Variants in DAB1 observed in about 807,000 individuals in gnomAD.
DAB1 encodes the protein disabled homolog 1.
In DAB1, 15 loss-of-function variants were observed where a neutral mutation model predicts 64.6. The observed-to-expected ratio is 0.23, with a 90% CI of 0.16 to 0.36. The LOEUF (loss-of-function observed/expected upper bound fraction) is 0.36, where lower values mean the gene tolerates loss of function less well. DAB1 is among the 10% of genes least tolerant of loss of function. The pLI, the probability that DAB1 is intolerant of heterozygous loss-of-function variation, is 1.00. For synonymous variants in DAB1, 235 were observed against 251.9 expected, an observed-to-expected ratio of 0.93 and a Z score of 0.64; for missense variants, 596 against 706.7, an observed-to-expected ratio of 0.84 and a Z score of 1.78.
chr1:58,284,186 T>C (rs781687741), intron 4 of DAB1, among the ~76,000 whole-genome samples: 1 of 152,188 alleles, frequency 6.6e-6, no homozygotes, highest in South Asian at 2.1e-4. Flanking sequence ...TCCATCCATA[T>C]GGGAACTTGG....
intron 7 of DAB1, among the ~76,000 whole-genome samples, chr1:57,437,436 C>T (rs768657633): frequency 3.9e-5 from 6 of 152,226 alleles, no homozygotes; most frequent in Non-Finnish European, 7.3e-5. Context: ...AATGTAATTG[C>T]TCATTGAATT....
chr1:58,125,341 T>C (rs1264488753), intron 5 of DAB1, among the ~76,000 whole-genome samples: 4 of 152,204 alleles, frequency 2.6e-5, no homozygotes, highest in Non-Finnish European at 5.9e-5. Context: ...TTAGTTAATA[T>C]AAGTTCCTTT....
intron 2 of DAB1, among the ~76,000 whole-genome samples, chr1:57,252,316 G>T (rs927654905): frequency 2.0e-5 from 3 of 152,178 alleles, no homozygotes; most frequent in Admixed American, 1.3e-4. Context: ...TCTAAGTCCT[G>T]CATTAGCAAC....
At chr1:58,021,688 A>G (rs900677104) in intron 5 of DAB1, among the ~76,000 whole-genome samples, 5 of 152,328 alleles carry the variant, frequency 3.3e-5, no homozygotes, top group Admixed American at 2.6e-4. Flanking sequence ...GGCAGCTTGC[A>G]TTGTCAGAGC....
intron 7 of DAB1, among the ~76,000 whole-genome samples, chr1:57,439,101 G>T (rs557408611): frequency 2.6e-5 from 4 of 152,280 alleles, no homozygotes; most frequent in African/African-American, 7.2e-5. Flanking sequence ...GAGTCTCAGT[G>T]CTTCTGCAGA....
intron 5 of DAB1, among the ~76,000 whole-genome samples, chr1:58,081,691 C>T (rs1279067156): frequency 2.6e-5 from 4 of 152,190 alleles, no homozygotes; most frequent in Admixed American, 2.0e-4. Context: ...CAGTTGCCCA[C>T]CTGGGCTACT....
intron 4 of DAB1, among the ~76,000 whole-genome samples, chr1:58,160,116 A>G (rs1655446112): frequency 6.6e-6 from 1 of 152,082 alleles, no homozygotes. Flanking sequence ...TAGGAACAAG[A>G]GGGTCTGTGG....
At chr1:58,458,162 T>C (rs12085573) in intron 3 of DAB1, among the ~76,000 whole-genome samples, 2,727 of 152,318 alleles carry the variant, frequency 0.018, 88 homozygotes, top group African/African-American at 0.061. Flanking sequence ...TTACATATAA[T>C]TAAAAATTCA....
rs944348895 is a variant in DAB1, at chr1:57,599,493, C to T, written n.625+50099G>A. 6.6e-5 allele frequency among the ~76,000 whole-genome samples: 10 copies of T among 151,228 alleles called. 1 individual carries two copies. In the South Asian group the frequency reaches 1.3e-3, roughly 20 times the overall value. On this transcript the variant is annotated intron_variant and non_coding_transcript_variant, in intron 7 of 20. Coordinates refer to the DAB1 transcript ENST00000485760. ...GCTTGGAATTCCACAGCTCTCCCCA[C>T]GTGGGACCAAATCGACTCTGTCACT...
At chr1:57,074,763 T>TA (rs948523877) in intron 4 of DAB1, among the ~76,000 whole-genome samples, 3 of 152,174 alleles carry the variant, frequency 2.0e-5, no homozygotes, top group Non-Finnish European at 4.4e-5. Flanking sequence ...CCAGTGGCAA[T>TA]AAAACGAATG....
At chr1:57,884,683 G>T (rs1163870021), upstream of DAB1, among the ~76,000 whole-genome samples, 1 of 152,114 alleles carries the variant, frequency 6.6e-6, no homozygotes, top group Non-Finnish European at 1.5e-5. Context: ...TATCCTCATT[G>T]CTATAGTTCG....
At chr1:57,575,280 T>C (rs1458279646) in intron 7 of DAB1, among the ~76,000 whole-genome samples, 3 of 152,228 alleles carry the variant, frequency 2.0e-5, no homozygotes, top group South Asian at 2.1e-4. Flanking sequence ...AACATAAATG[T>C]TGAATAGTGT....
At chr1:57,571,856 G>T (rs111917880) in intron 7 of DAB1, among the ~76,000 whole-genome samples, 4 of 152,300 alleles carry the variant, frequency 2.6e-5, no homozygotes, top group Admixed American at 2.6e-4. Context: ...GTGGGGAAAG[G>T]CTCCTTCACT....
At chr1:58,438,840 C>A (rs1353594652) in intron 3 of DAB1, among the ~76,000 whole-genome samples, 1 of 152,216 alleles carries the variant, frequency 6.6e-6, no homozygotes, top group Non-Finnish European at 1.5e-5. Flanking sequence ...TCTTCCTGTT[C>A]TTTCTCCTGC....
chr1:57,523,679 C>T (rs528359146), intron 7 of DAB1, among the ~76,000 whole-genome samples: 35 of 152,130 alleles, frequency 2.3e-4, no homozygotes, highest in Middle Eastern at 3.4e-3. Context: ...CCCAGCACTT[C>T]GGGAGGCCAA....
At chr1:57,068,985 A>C (rs17114926) in intron 8 of DAB1, among the ~76,000 whole-genome samples, 3,117 of 152,250 alleles carry the variant, frequency 0.02, 122 homozygotes, top group African/African-American at 0.072. Flanking sequence ...TTTGTGCTTT[A>C]TTTTCAGTAG....
chr1:58,088,823 A>G (rs1205695744), intron 5 of DAB1, among the ~76,000 whole-genome samples: 1 of 152,212 alleles, frequency 6.6e-6, no homozygotes, highest in Non-Finnish European at 1.5e-5. Flanking sequence ...CATCAAGGCT[A>G]CAACACCATG....
intron 5 of DAB1, among the ~76,000 whole-genome samples, chr1:57,918,157 A>T (rs1644756719): frequency 1.3e-5 from 2 of 151,994 alleles, no homozygotes; most frequent in South Asian, 4.1e-4. Context: ...CTATGTAAAA[A>T]TATCTCAATA....
At chr1:58,375,570 G>A (rs1007958806) in intron 3 of DAB1, among the ~76,000 whole-genome samples, 12 of 149,254 alleles carry the variant, frequency 8.0e-5, no homozygotes, top group Non-Finnish European at 7.5e-5. Flanking sequence ...ATGTGCTGCT[G>A]GATTCAGTTT....
Sources: allele counts gnomAD v4.1 joint callset (sites outside exome capture counted in the v4.1 genomes callset), GRCh38; gene constraint gnomAD v4.1.1; transcripts MANE v1.5; gene names NCBI Gene and HGNC (gene_info 2026-07-23, HGNC 2026-07-21).